Variants in FRMD4A observed in about 807,000 individuals in gnomAD.
The protein encoded by FRMD4A is FERM domain containing 4A.
Under a neutral mutation model 129.1 loss-of-function variants are expected in FRMD4A, and 29 were observed. That is an observed-to-expected ratio of 0.22 (90% CI 0.17 to 0.31). FRMD4A has a LOEUF of 0.31. Among genes scored for constraint, FRMD4A ranks in the 10% least tolerant of loss-of-function variants. FRMD4A has a pLI of 1.00. For missense variants in FRMD4A, 1,272 were observed against 1,375.8 expected (o/e 0.92, Z 1.19); for synonymous variants, 634 against 571.6 (o/e 1.11, Z -1.56).
At chr10:14,261,987 C>A (rs1167901074) in intron 2 of FRMD4A, among the ~76,000 whole-genome samples, 3 of 146,100 alleles carry the variant, frequency 2.1e-5, no homozygotes, top group Non-Finnish European at 4.5e-5. Flanking sequence ...CACACACACA[C>A]CTCATTTTCC....
chr10:13,857,197 A>AT (rs963058569), intron 3 of FRMD4A, among the ~76,000 whole-genome samples: 2 of 151,994 alleles, frequency 1.3e-5, no homozygotes, highest in African/African-American at 2.4e-5. Context: ...TAGTGGTAAA[A>AT]TTTTTTTTTT....
intron 2 of FRMD4A, among the ~76,000 whole-genome samples, chr10:14,167,175 G>A (rs1260590005): frequency 6.6e-6 from 1 of 152,122 alleles, no homozygotes; most frequent in African/African-American, 2.4e-5. Context: ...ATGAAAGTAT[G>A]AAATTATCAT....
intron 2 of FRMD4A, among the ~76,000 whole-genome samples, chr10:14,244,086 T>C (rs901163498): frequency 2.6e-5 from 4 of 152,316 alleles, no homozygotes; most frequent in Admixed American, 2.6e-4. Context: ...CAAGAAGACA[T>C]ATGACCAAAT....
At chr10:13,847,751 C>T (rs530218386) in intron 3 of FRMD4A, among the ~76,000 whole-genome samples, 33 of 152,308 alleles carry the variant, frequency 2.2e-4, no homozygotes, top group African/African-American at 5.5e-4. Flanking sequence ...CTCCTGGACT[C>T]GTAAAAAGTT....
chr10:14,220,739 C>G (rs1186205805), intron 2 of FRMD4A, among the ~76,000 whole-genome samples: 3 of 151,842 alleles, frequency 2.0e-5, no homozygotes, highest in African/African-American at 7.3e-5. Flanking sequence ...GGAGGCTTGG[C>G]AGCCCTGGCA....
chr10:14,206,880 C>A (rs1207119957), intron 2 of FRMD4A, among the ~76,000 whole-genome samples: 1 of 149,594 alleles, frequency 6.7e-6, no homozygotes, highest in East Asian at 2.0e-4. Context: ...GTGAGATCCA[C>A]AGGCTCATGC....
intron 3 of FRMD4A, among the ~76,000 whole-genome samples, chr10:13,855,594 G>A (rs1166456233): frequency 6.6e-6 from 1 of 152,108 alleles, no homozygotes; most frequent in Non-Finnish European, 1.5e-5. Context: ...GATCAGGAAA[G>A]GCATTGCTTT....
chr10:14,130,635 C>T (rs11258880), intron 2 of FRMD4A, among the ~76,000 whole-genome samples: 48,853 of 151,932 alleles, frequency 0.32, 8,064 homozygotes, highest in East Asian at 0.51. Context: ...TATTGGTAAG[C>T]GCAGACTGAC....
chr10:13,769,827 T>C (rs1274397120), intron 6 of FRMD4A, among the ~76,000 whole-genome samples: 1 of 152,158 alleles, frequency 6.6e-6, no homozygotes, highest in Non-Finnish European at 1.5e-5. Context: ...CTTTTTGAGC[T>C]GGGACATCAC....
intron 16 of FRMD4A, among the ~76,000 whole-genome samples, chr10:13,674,075 A>G (rs1394540394): frequency 6.6e-6 from 1 of 152,124 alleles, no homozygotes; most frequent in Admixed American, 6.6e-5. Flanking sequence ...GCCTGCATAA[A>G]ATTTAAAAAT....
intron 2 of FRMD4A, among the ~76,000 whole-genome samples, chr10:14,024,993 C>T (rs904734175): frequency 2.6e-5 from 4 of 152,240 alleles, no homozygotes; most frequent in Admixed American, 1.3e-4. Flanking sequence ...CACACAGACA[C>T]ACCATCAATA....
intron 2 of FRMD4A, among the ~76,000 whole-genome samples, chr10:14,262,845 A>G (rs1844850717): frequency 6.6e-6 from 1 of 152,234 alleles, no homozygotes; most frequent in Non-Finnish European, 1.5e-5. Flanking sequence ...ATGTAAGTCT[A>G]TCTTAAAGCA....
chr10:14,088,237 A>G lies in FRMD4A; in HGVS notation c.46-229325T>C, dbSNP rs559320841. 1.1e-4 allele frequency among the ~76,000 whole-genome samples: 16 copies of G among 152,186 alleles called. No individual in the cohort carries two copies. In the South Asian group the frequency reaches 1.5e-3, roughly 14 times the overall value. ...TGAGGTAAGAGGAACGCTTGATTCC[A>G]GGGATCTGAGACCAGCCTGGGCAAC... is the stretch of plus-strand genomic sequence containing the variant. On this transcript the variant is annotated intron_variant, in intron 2 of 24. Transcript: ENST00000357447.
chr10:14,198,400 A>G (rs1224327577), intron 2 of FRMD4A, among the ~76,000 whole-genome samples: 2 of 152,302 alleles, frequency 1.3e-5, no homozygotes, highest in East Asian at 3.9e-4. Context: ...CAGGCGGAAT[A>G]GAAACAAGGT....
intron 2 of FRMD4A, among the ~76,000 whole-genome samples, chr10:14,195,805 G>A (rs952467514): frequency 1.3e-5 from 2 of 152,310 alleles, no homozygotes; most frequent in East Asian, 3.9e-4. Context: ...GGCATCCTGC[G>A]TGCAAACAGC....
intron 2 of FRMD4A, among the ~76,000 whole-genome samples, chr10:14,054,762 C>A (rs1052917618): frequency 6.6e-6 from 1 of 152,162 alleles, no homozygotes; most frequent in Non-Finnish European, 1.5e-5. Context: ...GTGGGAGGGA[C>A]CTCGTGGGAG....
intron 12 of FRMD4A, among the ~76,000 whole-genome samples, chr10:13,718,963 T>C (rs1373788527): frequency 6.6e-6 from 1 of 152,164 alleles, no homozygotes; most frequent in African/African-American, 2.4e-5. Context: ...TCAATAGTTG[T>C]CTGTTGAGTG....
intron 12 of FRMD4A, among the ~76,000 whole-genome samples, chr10:13,713,263 A>G (rs1541009): frequency 0.91 from 138,155 of 152,202 alleles, 62,749 homozygotes; most frequent in East Asian, 1. Context: ...GAGAGAGGTT[A>G]AGGGATTGGC....
chr10:14,058,563 G>A (rs368266977), intron 2 of FRMD4A, among the ~76,000 whole-genome samples: 68 of 152,212 alleles, frequency 4.5e-4, no homozygotes, highest in South Asian at 8.3e-4. Context: ...ACCACATTTC[G>A]TAAGAAGGAT....
Sources: allele counts gnomAD v4.1 joint callset (sites outside exome capture counted in the v4.1 genomes callset), GRCh38; gene constraint gnomAD v4.1.1; transcripts MANE v1.5; gene names NCBI Gene and HGNC (gene_info 2026-07-23, HGNC 2026-07-21).